NMRK1: variants seen among roughly 807,000 people sequenced by gnomAD.
NMRK1 encodes nicotinamide riboside kinase 1.
A neutral mutation model predicts 29.9 loss-of-function variants in NMRK1; 28 were observed. The ratio of observed to expected loss-of-function variants is 0.94; its 90% confidence interval spans 0.69 to 1.28. The LOEUF is 1.28. NMRK1 is among the 50% of genes most tolerant of loss of function. The pLI, the probability that NMRK1 is intolerant of heterozygous loss-of-function variation, is 0.00. For missense variants in NMRK1, 218 were observed against 233.1 expected (o/e 0.94, Z 0.42); for synonymous variants, 58 against 73.0 (o/e 0.79, Z 1.05).
intron 6 of NMRK1, chr9:75,069,539 G>A: frequency 1.8e-6 from 1 of 548,708 alleles, no homozygotes; most frequent in Non-Finnish European, 3.2e-6. Flanking sequence ...TTGATATAAG[G>A]CCCTTTTCTT....
chr9:75,067,040 T>C, intron 7 of NMRK1, 200 bp from the exon 8 acceptor site: 1 of 449,330 alleles, frequency 2.2e-6, no homozygotes, highest in Non-Finnish European at 3.9e-6. Flanking sequence ...ATTGGATTGT[T>C]ACAGATAAAT....
intron 1 of NMRK1, among the ~76,000 whole-genome samples, chr9:75,083,480 C>T (rs1824439591): frequency 5.3e-5 from 8 of 152,242 alleles, no homozygotes; most frequent in Admixed American, 5.2e-4. Flanking sequence ...GCCAGGTTGC[C>T]TTCCACCTTC....
rs923109999 is a variant in NMRK1 at position 75,088,073 on chromosome 9, C to T, written c.-101G>A. On this transcript the variant is annotated 5_prime_UTR_variant, in exon 1 of 9. Coordinates refer to ENST00000361092, the MANE Select transcript of NMRK1 (RefSeq NM_017881.3). ...CGACAGCCAAGCGCGCGCCTGTACC[C>T]AGTGCGCCGCTACCCGCAGCTCGCT... 1 of 152,920 alleles carries T rather than the reference C, an allele frequency of 6.5e-6. No homozygotes were observed. The highest frequency in any genetic ancestry group is 6.5e-5 in the Admixed American group (1 of 15,304). 9.5% of individuals were successfully genotyped at this position (152,920 alleles called of 1,614,324 possible).
chr9:75,068,755 A>G (rs1823516403), intron 7 of NMRK1, among the ~76,000 whole-genome samples: 1 of 152,036 alleles, frequency 6.6e-6, no homozygotes, highest in Admixed American at 6.6e-5. Context: ...CATTCCCCTC[A>G]CCATCTCCAG....
intron 1 of NMRK1, among the ~76,000 whole-genome samples, chr9:75,086,070 G>A (rs942456299): frequency 5.3e-5 from 8 of 151,830 alleles, no homozygotes; most frequent in Non-Finnish European, 8.8e-5. Context: ...TTCATTGCCT[G>A]TTGCCCCTAT....
intron 2 of NMRK1, among the ~76,000 whole-genome samples, chr9:75,079,861 C>A (rs558666775): frequency 6.6e-6 from 1 of 152,320 alleles, no homozygotes; most frequent in African/African-American, 2.4e-5. Flanking sequence ...CCCACAACCA[C>A]CACGTGTAGC....
chr9:75,065,682 T>C (rs903134649), intron 8 of NMRK1, among the ~76,000 whole-genome samples: 2 of 152,152 alleles, frequency 1.3e-5, no homozygotes, highest in Non-Finnish European at 2.9e-5. Flanking sequence ...GGTTATGTGA[T>C]GTAGGCCTGG....
chr9:75,078,374 C>T (rs1033073690), intron 2 of NMRK1: 45 of 1,570,406 alleles, frequency 2.9e-5, no homozygotes, highest in Non-Finnish European at 3.5e-5. Context: ...CATCTCTCTC[C>T]ACCTGGGGGC....
chr9:75,082,322 C>T (rs1030462382), intron 2 of NMRK1, among the ~76,000 whole-genome samples: 1 of 152,178 alleles, frequency 6.6e-6, no homozygotes, highest in Non-Finnish European at 1.5e-5. Flanking sequence ...AAGCAGAGTT[C>T]TAACATTTAG....
At chr9:75,079,447 A>ATT (rs200992597) in intron 2 of NMRK1, among the ~76,000 whole-genome samples, 1 of 152,158 alleles carries the variant, frequency 6.6e-6, no homozygotes, top group Non-Finnish European at 1.5e-5. Context: ...AAAATCTGTC[A>ATT]TTTTTTAGAC....
chr9:75,065,294 C>T (rs917781456), intron 8 of NMRK1, among the ~76,000 whole-genome samples: 27 of 152,188 alleles, frequency 1.8e-4, no homozygotes, highest in African/African-American at 6.0e-4. Context: ...CTCAGCCTCC[C>T]GGGTAGCTGG....
intron 1 of NMRK1, among the ~76,000 whole-genome samples, chr9:75,084,390 C>T (rs1361307256): frequency 1.3e-5 from 2 of 152,224 alleles, no homozygotes; most frequent in South Asian, 2.1e-4. Context: ...CTATTGTTGT[C>T]TGACTTCTTG....
chr9:75,075,907 G>A (rs1337874892), intron 4 of NMRK1, among the ~76,000 whole-genome samples: 1 of 152,206 alleles, frequency 6.6e-6, no homozygotes, highest in African/African-American at 2.4e-5. Flanking sequence ...GGGACAGCAA[G>A]CCTAACTTGC....
At chr9:75,081,742 A>T (rs1043803616) in intron 2 of NMRK1, among the ~76,000 whole-genome samples, 1 of 152,172 alleles carries the variant, frequency 6.6e-6, no homozygotes, top group Non-Finnish European at 1.5e-5. Context: ...CAATCAGTGT[A>T]ATCCCACCTC....
intron 7 of NMRK1, among the ~76,000 whole-genome samples, chr9:75,068,620 C>G (rs1823507597): frequency 1.3e-5 from 2 of 152,194 alleles, no homozygotes; most frequent in South Asian, 4.1e-4. Context: ...TCTCGGCAGT[C>G]CCCTAGAACT....
intron 3 of NMRK1, 83 bp from the exon 4 acceptor site, chr9:75,077,290 TA>T (rs1421430537): frequency 1.5e-4 from 152 of 1,014,140 alleles, no homozygotes; most frequent in East Asian, 6.7e-4. Flanking sequence ...GAGAAGTCTT[TA>T]ATAAATGCTT....
In NMRK1 at chr9:75,070,077, T is replaced by C. The variant is rs748468765; in HGVS notation, c.170-35A>G. The C allele has an allele frequency of 4.4e-6, 7 of 1,577,420 alleles. No individual in the cohort carries two copies. In the Admixed American group the frequency reaches 7.6e-5, roughly 17 times the overall value. ...AACACACAAAAATATGCAATCAATATAGCACAAAATTTTGTGATGTGACTT... is the reference window on the plus strand; with the variant it reads ...AACACACAAAAATATGCAATCAATACAGCACAAAATTTTGTGATGTGACTT... On this transcript the variant is annotated intron_variant, in intron 4 of 8. Coordinates refer to ENST00000361092, the MANE Select transcript of NMRK1 (RefSeq NM_017881.3).
chr9:75,071,117 C>T (rs966527231), intron 4 of NMRK1, among the ~76,000 whole-genome samples: 1 of 151,938 alleles, frequency 6.6e-6, no homozygotes, highest in Non-Finnish European at 1.5e-5. Context: ...ACACTTTCTC[C>T]TGAGACTCCA....
intron 2 of NMRK1, 128 bp from the exon 3 acceptor site, chr9:75,077,708 T>C: frequency 1.6e-6 from 1 of 645,124 alleles, no homozygotes; most frequent in Non-Finnish European, 2.7e-6. Flanking sequence ...CAATCTTGGC[T>C]CACTGCAACC....
Sources: allele counts gnomAD v4.1 joint callset (sites outside exome capture counted in the v4.1 genomes callset), GRCh38; gene constraint gnomAD v4.1.1; transcripts MANE v1.5; gene names NCBI Gene and HGNC (gene_info 2026-07-23, HGNC 2026-07-21).